Variants in PSMC3 observed in about 807,000 individuals in gnomAD.
PSMC3 encodes the protein 26S proteasome regulatory subunit 6A.
Under a neutral mutation model 52.0 loss-of-function variants are expected in PSMC3, and 11 were observed. The ratio of observed to expected loss-of-function variants is 0.21; its 90% CI spans 0.13 to 0.35. PSMC3 has a LOEUF of 0.35. Ranked by LOEUF, PSMC3 falls within the 10% of genes least tolerant of loss-of-function variation. The pLI is 1.00. For missense variants in PSMC3, 238 were observed against 567.1 expected (o/e 0.42, Z 5.89); for synonymous variants, 201 against 218.8 (o/e 0.92, Z 0.72).
chr11:47,420,495 A>G, intron 9 of PSMC3, 86 bp from the exon 10 acceptor site: 1 of 1,544,820 alleles, frequency 6.5e-7, no homozygotes, highest in East Asian at 2.3e-5. Flanking sequence ...GGCAGCCCCC[A>G]GAGTGCAGGT....
At chr11:47,423,373 C>A (rs1259603360) in intron 6 of PSMC3, among the ~76,000 whole-genome samples, 1 of 151,576 alleles carries the variant, frequency 6.6e-6, no homozygotes, top group Non-Finnish European at 1.5e-5. Context: ...TGCACACCAG[C>A]CAGCCTGAGC....
intron 6 of PSMC3, 88 bp downstream of exon 6, chr11:47,423,958 A>C (rs765181048): frequency 9.3e-5 from 147 of 1,579,714 alleles, no homozygotes; most frequent in Middle Eastern, 1.9e-4. Context: ...ATGAGGATGA[A>C]AGACACATTA....
intron 2 of PSMC3, 136 bp downstream of exon 2, chr11:47,425,731 T>G: frequency 2.7e-6 from 2 of 727,864 alleles, no homozygotes; most frequent in African/African-American, 1.8e-5. Flanking sequence ...TTCTTTCCTC[T>G]CTTCCTGATA....
At chr11:47,421,593 G>A (rs1020729994) in intron 8 of PSMC3, among the ~76,000 whole-genome samples, 2 of 152,088 alleles carry the variant, frequency 1.3e-5, no homozygotes, top group Non-Finnish European at 2.9e-5. Context: ...GGCAGCACAC[G>A]TTGAGCCTTG....
At chr11:47,423,548 A>G (rs951206494) in intron 6 of PSMC3, among the ~76,000 whole-genome samples, 1 of 152,122 alleles carries the variant, frequency 6.6e-6, no homozygotes, top group Non-Finnish European at 1.5e-5. Flanking sequence ...GCACTTTGGG[A>G]GGCCAAGGCA....
Position 47,426,208 on chromosome 11 carries a change from G to T in PSMC3, c.72C>A (p.Ala24=). 6.4e-7 allele frequency: 1 copy of T among 1,558,536 alleles called. No homozygotes were observed. The highest frequency in any genetic ancestry group is 8.7e-7 in the Non-Finnish European group (1 of 1,152,076). ...CGCCAGCTCGCCCGGTGCCCACCTC[G>T]GCCTCATCCCACACGGTCGCCATCT... The part of the protein sequence containing the change: ...QEKMATVWDE[A]EQDGIGEEVL... Residue 24 remains alanine (A), a synonymous_variant, in exon 1 of 12, where the codon GCC becomes GCA. Transcript: ENST00000298852.
intron 10 of PSMC3, 143 bp downstream of exon 10, chr11:47,420,121 G>A (rs991467610): frequency 8.3e-6 from 8 of 964,658 alleles, no homozygotes; most frequent in African/African-American, 3.2e-5. Flanking sequence ...AACGGAGGCT[G>A]GCGTGTGGAA....
chr11:47,424,209 G>A lies in PSMC3; in HGVS notation c.454-26C>T. On this transcript the variant is annotated intron_variant, in intron 5 of 11. Coordinates refer to ENST00000298852, the MANE Select transcript of PSMC3 (RefSeq NM_002804.5). This position sits in a 1 kb window ranked among gnomAD's most constrained non-coding sequence, Gnocchi z 4.8. ...CTAAGGACACAGCACAGGGCCTTCA[G>A]ATTTGGCCCAGCTCAAGGGCTACCC... The A allele has an allele frequency of 6.2e-7, 1 of 1,614,198 alleles. No individual in the cohort carries two copies. The highest frequency in any genetic ancestry group is 8.5e-7 in the Non-Finnish European group (1 of 1,180,028).
At chr11:47,425,819 G>A in intron 2 of PSMC3, 48 bp downstream of exon 2, 4 of 1,540,598 alleles carry the variant, frequency 2.6e-6, no homozygotes, top group Non-Finnish European at 3.6e-6. Context: ...GATCGCCGGG[G>A]CCTGTCCTGT....
At chr11:47,425,753 C>A in intron 2 of PSMC3, 114 bp downstream of exon 2, 1 of 863,024 alleles carries the variant, frequency 1.2e-6, no homozygotes, top group Admixed American at 2.5e-5. Context: ...GAGGGGGAAG[C>A]CCGAGCCCCA....
chr11:47,425,837 C>T, intron 2 of PSMC3, 30 bp downstream of exon 2: 1 of 1,595,516 alleles, frequency 6.3e-7, no homozygotes, highest in Non-Finnish European at 8.6e-7. Context: ...TGTGGGGGCT[C>T]CATCGCCCGC....
Position 47,418,819 on chromosome 11 carries a change from G to C in PSMC3, c.*16C>G. 6.2e-7 allele frequency: 1 copy of C among 1,603,548 alleles called. No homozygotes were observed. Among genetic ancestry groups the C allele is most frequent in the Non-Finnish European group, 8.5e-7 (1 of 1,170,482 alleles). On this transcript the variant is annotated 3_prime_UTR_variant, in exon 12 of 12. Coordinates refer to ENST00000298852, the MANE Select transcript of PSMC3 (RefSeq NM_002804.5). The stretch of plus-strand genomic sequence containing the variant: ...TTGCGCACTTCAGCCGTGAGACTGG[G>C]GCTGGCCTGTGTGCCCTAGGCGTAG...
Position 47,424,576 on chromosome 11 carries a change from C to T in PSMC3, c.390+31G>A, listed in dbSNP as rs1393038071. On this transcript the variant is annotated intron_variant, in intron 4 of 11. Transcript: ENST00000298852. The surrounding 1 kb of genome is among the most constrained non-coding windows in gnomAD (Gnocchi z 4.8). ...TGTCCCACATCCGCTCCTCACCCTC[C>T]TCCAGTCTCTCATTGCTGAGCCACG... 1.2e-6 allele frequency: 2 copies of T among 1,606,270 alleles called. No homozygotes were observed. Among genetic ancestry groups the T allele is most frequent in the Non-Finnish European group, 8.5e-7 (1 of 1,172,784 alleles).
At chr11:47,426,120 G>T (rs1217734366) in intron 1 of PSMC3, 85 bp downstream of exon 1, 2 of 1,482,820 alleles carry the variant, frequency 1.3e-6, no homozygotes, top group African/African-American at 2.8e-5. Flanking sequence ...GCCAGACCTT[G>T]ACCCCCAGCC....
At position 47,420,268 on chromosome 11, in the gene PSMC3, C is replaced by T. The variant is rs2096038881; in HGVS notation, c.1123G>A (p.Val375Ile). The change falls in exon 10 of 12, where the codon GTC (valine) becomes ATC (isoleucine). Residue 375 changes from valine to isoleucine, a missense_variant. Val to Ile is a conservative substitution (Grantham distance 29). This residue lies in a region of PSMC3 where 40 missense variants were observed against 53.3 expected (regional missense o/e 0.75). Coordinates refer to ENST00000298852, the MANE Select transcript of PSMC3 (RefSeq NM_002804.5). ...CCTGCCCGTGCTCCTGCTCACCTGACATTCATCTTTCGGGAGTGGATCTGC... is the reference window on the plus strand; with the variant it reads ...CCTGCCCGTGCTCCTGCTCACCTGATATTCATCTTTCGGGAGTGGATCTGC... ...IMQIHSRKMN[V>I]SPDVNYEELA... 2.5e-6 allele frequency: 4 copies of T among 1,614,194 alleles called. No individual in the cohort carries two copies. In the Admixed American group the frequency reaches 5.0e-5, roughly 20 times the overall value.
Position 47,424,412 on chromosome 11 carries a change from G to C in PSMC3, c.453+17C>G. 3 of 1,613,456 alleles carry C rather than the reference G, an allele frequency of 1.9e-6. No homozygotes were observed. Among genetic ancestry groups the C allele is most frequent in the South Asian group, 1.1e-5 (1 of 91,054 alleles). ...TAGTCACCAGAAAAGCACTGCCTGGGCTCAGGCCCCACTCACCACCAGGTC... is the reference window on the plus strand; with the variant it reads ...TAGTCACCAGAAAAGCACTGCCTGGCCTCAGGCCCCACTCACCACCAGGTC... On this transcript the variant is annotated intron_variant, in intron 5 of 11. Coordinates refer to ENST00000298852, the MANE Select transcript of PSMC3 (RefSeq NM_002804.5). The surrounding 1 kb of genome is among the most constrained non-coding windows in gnomAD (Gnocchi z 4.8).
chr11:47,420,562 C>G, intron 9 of PSMC3, 69 bp downstream of exon 9: 1 of 1,509,602 alleles, frequency 6.6e-7, no homozygotes, highest in Non-Finnish European at 9.0e-7. Context: ...CCACCACTGG[C>G]TAGCTGGGGG....
At chr11:47,421,182 G>A (rs2096039969) in intron 8 of PSMC3, among the ~76,000 whole-genome samples, 1 of 148,660 alleles carries the variant, frequency 6.7e-6, no homozygotes, top group African/African-American at 2.5e-5. Context: ...CCCGGGAGGT[G>A]GAGGTTGCAG....
chr11:47,423,046 A>G (rs967460581), intron 6 of PSMC3, 73 bp from the exon 7 acceptor site: 1 of 1,423,088 alleles, frequency 7.0e-7, no homozygotes, highest in Admixed American at 2.2e-5. Context: ...CATGGCTCCA[A>G]CCCCAATCTG....
Sources: allele counts gnomAD v4.1 joint callset (sites outside exome capture counted in the v4.1 genomes callset), GRCh38; gene constraint gnomAD v4.1.1; regional missense constraint gnomAD v4.1.1; non-coding constraint Gnocchi (gnomAD v3.1); transcripts MANE v1.5; gene names NCBI Gene and HGNC (gene_info 2026-07-23, HGNC 2026-07-21).